The following SYNPR variants were observed in gnomAD, a reference collection of about 807,000 sequenced individuals.
SYNPR encodes the protein synaptoporin.
SYNPR carries 23 observed loss-of-function variants against 32.9 expected under a neutral mutation model. The ratio of observed to expected loss-of-function variants is 0.70; its 90% confidence interval spans 0.50 to 0.99. The LOEUF is 0.99. SYNPR is among the 50% of genes least tolerant of loss of function. The pLI, the probability that SYNPR is intolerant of heterozygous loss-of-function variation, is 0.00. For missense variants in SYNPR, 318 were observed against 349.3 expected, an observed-to-expected ratio of 0.91 and a Z score of 0.71; for synonymous variants, 146 against 135.9, an observed-to-expected ratio of 1.07 and a Z score of -0.52.
chr3:63,441,990 G>C (rs1700186862), intron 2 of SYNPR, among the ~76,000 whole-genome samples: 1 of 152,210 alleles, frequency 6.6e-6, no homozygotes, highest in African/African-American at 2.4e-5. Context: ...CACATGACTA[G>C]TAAGTGGGAG....
chr3:63,596,029 T>C (rs76514299), intron 4 of SYNPR, among the ~76,000 whole-genome samples: 36,286 of 140,272 alleles, frequency 0.26, 5,214 homozygotes, highest in South Asian at 0.43. Flanking sequence ...AGTTATAGGG[T>C]ACATGTGCAC....
intron 2 of SYNPR, among the ~76,000 whole-genome samples, chr3:63,356,380 G>A (rs2087577747): frequency 6.6e-6 from 1 of 152,178 alleles, no homozygotes; most frequent in Non-Finnish European, 1.5e-5. Context: ...CCAATATCAT[G>A]GCATTTATTA....
chr3:63,291,262 C>A (rs111941438), intron 2 of SYNPR, among the ~76,000 whole-genome samples: 2 of 151,840 alleles, frequency 1.3e-5, no homozygotes, highest in South Asian at 2.1e-4. Context: ...GGCTGAGAAA[C>A]CTTGGGTAAA....
At chr3:63,254,192 T>C (rs1334552094) in intron 2 of SYNPR, among the ~76,000 whole-genome samples, 2 of 152,036 alleles carry the variant, frequency 1.3e-5, no homozygotes, top group East Asian at 1.9e-4. Flanking sequence ...AGGGAAGGGA[T>C]AGCATTAGGA....
At chr3:63,231,025 C>G (rs1164953131) in intron 1 of SYNPR, among the ~76,000 whole-genome samples, 3 of 152,052 alleles carry the variant, frequency 2.0e-5, no homozygotes, top group Non-Finnish European at 4.4e-5. Context: ...ACAAAGTCAT[C>G]ATATAAAAAA....
chr3:63,409,650 A>T (rs1452936885), intron 2 of SYNPR, among the ~76,000 whole-genome samples: 1 of 152,180 alleles, frequency 6.6e-6, no homozygotes, highest in Admixed American at 6.5e-5. Flanking sequence ...TCAGATATGT[A>T]TTGAATGTTT....
chr3:63,596,413 A>T (rs59656799), intron 4 of SYNPR, among the ~76,000 whole-genome samples: 360 of 142,638 alleles, frequency 2.5e-3, no homozygotes, highest in African/African-American at 8.8e-3. Flanking sequence ...CCCCTCTCTC[A>T]TCCTCCTTAT....
intron 3 of SYNPR, among the ~76,000 whole-genome samples, chr3:63,538,100 T>C (rs1702240404): frequency 6.6e-6 from 1 of 152,092 alleles, no homozygotes; most frequent in South Asian, 2.1e-4. Context: ...AACATTTGAA[T>C]GGGATTATCA....
intron 3 of SYNPR, among the ~76,000 whole-genome samples, chr3:63,500,440 G>A (rs551700034): frequency 3.9e-5 from 6 of 152,162 alleles, no homozygotes; most frequent in Non-Finnish European, 7.4e-5. Context: ...TTTTATCTCC[G>A]CAATAAAATG....
At chr3:63,448,053 G>C (rs1464142912) in intron 2 of SYNPR, among the ~76,000 whole-genome samples, 1 of 149,958 alleles carries the variant, frequency 6.7e-6, no homozygotes, top group Non-Finnish European at 1.5e-5. Context: ...TCCCAGGCTG[G>C]AGTGCAGTGG....
At chr3:63,331,804 G>A (rs193283536) in intron 2 of SYNPR, among the ~76,000 whole-genome samples, 5 of 152,284 alleles carry the variant, frequency 3.3e-5, no homozygotes, top group South Asian at 2.1e-4. Flanking sequence ...GAATTGGACC[G>A]TGGACCTCAG....
intron 2 of SYNPR, among the ~76,000 whole-genome samples, chr3:63,321,887 G>A (rs537187615): frequency 5.9e-5 from 9 of 152,164 alleles, no homozygotes; most frequent in Admixed American, 4.6e-4. Flanking sequence ...GGTTTCCCTT[G>A]AAGAGGTCAA....
intron 2 of SYNPR, among the ~76,000 whole-genome samples, chr3:63,441,875 T>C (rs552562890): frequency 1.4e-4 from 22 of 152,274 alleles, no homozygotes; most frequent in African/African-American, 5.3e-4. Flanking sequence ...GTGAAAGCAC[T>C]GCCTTGCCCG....
chr3:63,471,736 G>A (rs537108576), intron 2 of SYNPR, among the ~76,000 whole-genome samples: 2 of 152,134 alleles, frequency 1.3e-5, no homozygotes, highest in East Asian at 1.9e-4. Context: ...ATGCCCTTTG[G>A]GGGTGTTGAG....
At chr3:63,498,155 C>A (rs929909031) in intron 3 of SYNPR, among the ~76,000 whole-genome samples, 2 of 151,956 alleles carry the variant, frequency 1.3e-5, no homozygotes, top group Non-Finnish European at 2.9e-5. Flanking sequence ...CCCTCAGCAA[C>A]AGAACTAGTC....
intron 2 of SYNPR, among the ~76,000 whole-genome samples, chr3:63,459,006 C>T (rs909647404): frequency 1.3e-5 from 2 of 152,046 alleles, no homozygotes; most frequent in African/African-American, 2.4e-5. Flanking sequence ...TCTCTCCTCT[C>T]CCGTCACTTA....
rs148643425 is a variant in SYNPR at position 63,410,713 on chromosome 3, C to A, written c.85-70119C>A. On this transcript the variant is annotated intron_variant, in intron 2 of 5. Coordinates refer to ENST00000478300, the MANE Select transcript of SYNPR (RefSeq NM_001130003.2). ...CTGCAGCTAGAACATATGCATGTGACCATCCTCCACCAATCAGGTTCACCC... is the reference window on the plus strand; with the variant it reads ...CTGCAGCTAGAACATATGCATGTGAACATCCTCCACCAATCAGGTTCACCC... Among the ~76,000 whole-genome samples, 388 of 152,292 alleles carry A rather than the reference C, an allele frequency of 2.5e-3. 3 individuals carry two copies. The highest frequency in any genetic ancestry group is 8.7e-3 in the African/African-American group (363 of 41,566).
chr3:63,505,540 A>G (rs1356029953), intron 3 of SYNPR, among the ~76,000 whole-genome samples: 1 of 152,118 alleles, frequency 6.6e-6, no homozygotes, highest in Non-Finnish European at 1.5e-5. Flanking sequence ...TAGGGAACAG[A>G]GTAGAACTAA....
At chr3:63,241,631 G>T (rs1278873881) in intron 1 of SYNPR, among the ~76,000 whole-genome samples, 1 of 151,968 alleles carries the variant, frequency 6.6e-6, no homozygotes, top group Non-Finnish European at 1.5e-5. Flanking sequence ...CATTAAAGTT[G>T]TTACGCCTGG....
Sources: gnomAD v4.1 joint callset for allele counts (sites outside exome capture counted in the v4.1 genomes callset) on GRCh38, gnomAD v4.1.1 for gene constraint, MANE v1.5 for transcripts, NCBI Gene and HGNC (gene_info 2026-07-23, HGNC 2026-07-21) for gene names.